The following UNC45B variants were observed in gnomAD, a reference collection of about 807,000 sequenced individuals.
UNC45B encodes the protein unc-45 myosin chaperone B.
In UNC45B, 78 loss-of-function variants were observed where a neutral mutation model predicts 98.7. The observed-to-expected ratio is 0.79, with a 90% CI of 0.66 to 0.95. The LOEUF (loss-of-function observed/expected upper bound fraction) is 0.95. Among genes scored for constraint, UNC45B ranks in the 40% least tolerant of loss-of-function variants. The pLI is 0.00. For synonymous variants in UNC45B, 462 were observed against 480.4 expected, an observed-to-expected ratio of 0.96 and a Z score of 0.50; for missense variants, 1,225 against 1,184.9, an observed-to-expected ratio of 1.03 and a Z score of -0.50.
At chr17:35,175,084 A>AAAGAAAGAAAGAAAGT (rs1491209151) in intron 14 of UNC45B, among the ~76,000 whole-genome samples, 1 of 88,768 alleles carries the variant, frequency 1.1e-5, no homozygotes, top group African/African-American at 4.7e-5. Context: ...AGAAAGAAAG[A>AAAGAAAGAAAGAAAGT]AAGAGAAAGA....
chr17:35,170,581 A>AT (rs1401263947), intron 12 of UNC45B, among the ~76,000 whole-genome samples: 9 of 150,376 alleles, frequency 6.0e-5, no homozygotes, highest in Non-Finnish European at 1.2e-4. Flanking sequence ...CGTGCCTGTA[A>AT]TTCCAGCACT....
Position 35,170,241 on chromosome 17 carries a change from T to A in UNC45B, c.1675T>A (p.Phe559Ile). 6.2e-7 allele frequency: 1 copy of A among 1,610,220 alleles called. No homozygotes were observed. Among genetic ancestry groups the A allele is most frequent in the South Asian group, 1.1e-5 (1 of 90,850 alleles). The change falls in exon 12 of 20, where the codon TTT (phenylalanine) becomes ATT (isoleucine). Residue 559 changes from phenylalanine to isoleucine, a missense_variant. Coordinates refer to ENST00000394570, the MANE Select transcript of UNC45B (RefSeq NM_001267052.2). ...VQDVPALQAM[F>I]ELAKTSDKTI... is the part of the protein sequence containing the mutation. ...GGACGTCCCTGCCCTGCAGGCCATG[T>A]TTGAGCTGGCCAAGGCAGGTGTCGG...
At chr17:35,173,814 A>ATT (rs34777618) in intron 13 of UNC45B, among the ~76,000 whole-genome samples, 5,356 of 136,594 alleles carry the variant, frequency 0.039, 261 homozygotes, top group East Asian at 0.2. Flanking sequence ...TAGGCCATGG[A>ATT]TTTTTTTTTT....
In UNC45B at chr17:35,164,139, TC is replaced by T; in HGVS notation, c.1126del (p.Arg376AlafsTer21). 2 of 1,613,140 alleles carry T rather than the reference TC, an allele frequency of 1.2e-6. No homozygotes were observed. The highest frequency in any genetic ancestry group is 1.7e-6 in the Non-Finnish European group (2 of 1,179,546). On this transcript the variant is annotated frameshift_variant, in exon 9 of 20. Transcript: ENST00000394570. LOFTEE classifies it high-confidence loss of function. ...DLRCDPERDHFRKICEEYITG... is the reference protein window; with the variant it reads ...DLRCDPERDHXRKICEEYITG... Reference sequence around the variant, plus strand: ...CGCTGTGACCCGGAGCGCGATCACTTCCGCAAGATCTGTGAGGAATATATCA... The same window carrying T: ...CGCTGTGACCCGGAGCGCGATCACTTCGCAAGATCTGTGAGGAATATATCA...
At chr17:35,148,569 T>C in intron 2 of UNC45B, 138 bp downstream of exon 2, 1 of 989,986 alleles carries the variant, frequency 1.0e-6, no homozygotes, top group Non-Finnish European at 1.5e-6. Context: ...GAAGGGTGCC[T>C]CCAACCCCCT....
Position 35,183,520 on chromosome 17 carries a change from G to A in UNC45B, c.2467G>A (p.Ala823Thr), listed in dbSNP as rs528944845. ...TGATGATAAGGTGCAGAATGCGGCT[G>A]CAGGGGCTCTGGCCATGCTGACAGC... ...EDDDKVQNAA[A>T]GALAMLTAAH... is the part of the protein sequence containing the mutation. The change falls in exon 19 of 20, where the codon GCA becomes ACA. Residue 823 changes from alanine to threonine, a missense_variant. Ala to Thr is a moderately conservative substitution (Grantham distance 58). Coordinates refer to ENST00000394570, the MANE Select transcript of UNC45B (RefSeq NM_001267052.2). The A allele has an allele frequency of 1.2e-6, 2 of 1,605,294 alleles. No homozygotes were observed. Among genetic ancestry groups the A allele is most frequent in the Admixed American group, 1.7e-5 (1 of 58,948 alleles).
At position 35,159,287 on chromosome 17, in the gene UNC45B, C is replaced by T. The variant is rs529485458; in HGVS notation, c.809-88C>T. 2.1e-5 allele frequency: 26 copies of T among 1,262,860 alleles called. No individual in the cohort carries two copies. In the South Asian group the frequency reaches 3.3e-4, roughly 16 times the overall value. 78.2% of individuals were successfully genotyped at this position (1,262,860 alleles called of 1,614,324 possible). On this transcript the variant is annotated intron_variant, in intron 7 of 19. Coordinates refer to ENST00000394570, the MANE Select transcript of UNC45B (RefSeq NM_001267052.2). ...TCAGGAAGTAGTGGATTCAGTACTTCCAGAGTCTAGAAGCTGCTGCTCTTC... is the reference window on the plus strand; with the variant it reads ...TCAGGAAGTAGTGGATTCAGTACTTTCAGAGTCTAGAAGCTGCTGCTCTTC...
intron 13 of UNC45B, among the ~76,000 whole-genome samples, chr17:35,173,173 C>T (rs566794137): frequency 4.4e-4 from 63 of 143,652 alleles, no homozygotes; most frequent in African/African-American, 1.6e-3. Context: ...GTCGCCCAGG[C>T]GGAGTGCAGT....
At chr17:35,174,664 T>A (rs973050404) in intron 14 of UNC45B, among the ~76,000 whole-genome samples, 5 of 151,716 alleles carry the variant, frequency 3.3e-5, no homozygotes, top group African/African-American at 7.3e-5. Context: ...TACAAAAAAA[T>A]TTTAAATTAG....
chr17:35,148,661 T>C lies in UNC45B; in HGVS notation c.168+230T>C, dbSNP rs138893414. 2.7e-3 allele frequency among the ~76,000 whole-genome samples: 412 copies of C among 152,282 alleles called. 3 individuals carry two copies. The highest frequency in any genetic ancestry group is 0.01 in the Middle Eastern group (3 of 294). ...GTGCTTTCATGTGTTATTCATGGCA[T>C]CTTACTAATGGCCCGTGAGATAGCT... On this transcript the variant is annotated intron_variant, in intron 2 of 19. Coordinates refer to ENST00000394570, the MANE Select transcript of UNC45B (RefSeq NM_001267052.2).
chr17:35,158,165 C>T (rs1457722625), intron 7 of UNC45B, among the ~76,000 whole-genome samples: 1 of 152,232 alleles, frequency 6.6e-6, no homozygotes, highest in South Asian at 2.1e-4. Flanking sequence ...CCACTGCGCC[C>T]AGCCCTGAAG....
intron 18 of UNC45B, among the ~76,000 whole-genome samples, chr17:35,182,061 G>A (rs996982598): frequency 6.6e-6 from 1 of 151,740 alleles, no homozygotes; most frequent in African/African-American, 2.4e-5. Flanking sequence ...TGCTCACCAT[G>A]TCAAAGTCCT....
At chr17:35,175,141 G>A (rs1264786387) in intron 14 of UNC45B, among the ~76,000 whole-genome samples, 1 of 149,816 alleles carries the variant, frequency 6.7e-6, no homozygotes, top group Non-Finnish European at 1.5e-5. Context: ...AGGAAGGAAG[G>A]AGAAGGAAAG....
chr17:35,184,302 T>C (rs559058468), intron 19 of UNC45B, among the ~76,000 whole-genome samples: 2 of 152,360 alleles, frequency 1.3e-5, no homozygotes, highest in Non-Finnish European at 2.9e-5. Flanking sequence ...TCATCCTGCA[T>C]GGTCTTTGGA....
At chr17:35,177,196 C>G in intron 16 of UNC45B, 66 bp downstream of exon 16, 1 of 1,420,076 alleles carries the variant, frequency 7.0e-7, no homozygotes, top group Non-Finnish European at 9.8e-7. Context: ...AGGCCTTTCC[C>G]CTTGTCATTC....
intron 18 of UNC45B, 39 bp downstream of exon 18, chr17:35,180,715 A>C (rs922350688): frequency 6.5e-7 from 1 of 1,547,812 alleles, no homozygotes; most frequent in Non-Finnish European, 8.9e-7. Context: ...GGGCGTGATC[A>C]AGGCACGAGA....
chr17:35,156,620 C>T (rs541855519), intron 7 of UNC45B, among the ~76,000 whole-genome samples: 4 of 150,660 alleles, frequency 2.7e-5, no homozygotes, highest in South Asian at 2.1e-4. Flanking sequence ...AGTGAGACTC[C>T]GTCTCAAAAA....
intron 3 of UNC45B, among the ~76,000 whole-genome samples, chr17:35,149,389 GTTTGTTTTGTTTTGTTTTTTGGGT>G: frequency 6.6e-6 from 1 of 152,058 alleles, no homozygotes; most frequent in Middle Eastern, 3.4e-3. Context: ...TGTTGTTGTT[GTTTGTTTTGTTTTGTTTTTTGGGT>G]TTTGTTTTGT....
At chr17:35,166,888 T>C (rs1415232575) in intron 9 of UNC45B, 1 of 152,178 alleles carries the variant, frequency 6.6e-6, no homozygotes, top group Non-Finnish European at 1.5e-5. Flanking sequence ...CTTCTTGCAT[T>C]TATACACAGC....
Sources: allele counts gnomAD v4.1 joint callset (sites outside exome capture counted in the v4.1 genomes callset), GRCh38; gene constraint gnomAD v4.1.1; transcripts MANE v1.5; gene names NCBI Gene and HGNC (gene_info 2026-07-23, HGNC 2026-07-21).